The following PFKL variants were observed in gnomAD, a reference collection of about 807,000 sequenced individuals.
PFKL encodes the protein phosphofructokinase, liver type.
In PFKL, 74 loss-of-function variants were observed where a neutral mutation model predicts 92.1. The ratio of observed to expected loss-of-function variants is 0.80; its 90% CI spans 0.67 to 0.97. PFKL has a LOEUF of 0.97. PFKL is among the 50% of genes least tolerant of loss of function. The pLI is 0.00. For missense variants in PFKL, 1,028 were observed against 1,116.6 expected (o/e 0.92, Z 1.13); for synonymous variants, 494 against 456.4 (o/e 1.08, Z -1.05).
Position 44,318,543 on chromosome 21 carries a change from C to A in PFKL, c.1010C>A (p.Thr337Asn). 4 of 1,578,346 alleles carry A rather than the reference C, an allele frequency of 2.5e-6. No homozygotes were observed. Among genetic ancestry groups the A allele is most frequent in the Middle Eastern group, 1.7e-4 (1 of 5,838 alleles). ...ATPDTPACVV[T>N]LSGNQSVRLP... ...CCTGACACGCCGGCCTGCGTGGTCA[C>A]CCTCTCGGGGAACCAGTCAGTGCGG... The change falls in exon 10 of 22, where the codon ACC (threonine) becomes AAC (asparagine). Residue 337 changes from threonine to asparagine, a missense_variant. Transcript: ENST00000349048.
At chr21:44,304,242 C>T (rs758617634) in intron 1 of PFKL, 2 of 1,289,128 alleles carry the variant, frequency 1.6e-6, no homozygotes, top group South Asian at 1.2e-5. Context: ...CCCTTGCTGA[C>T]CCCTGATCCT....
chr21:44,312,583 A>T (rs2250238), intron 4 of PFKL, among the ~76,000 whole-genome samples: 78,180 of 152,084 alleles, frequency 0.51, 20,768 homozygotes, highest in Non-Finnish European at 0.59. Flanking sequence ...CTTCTCTGTG[A>T]TTGATCCGAG....
chr21:44,310,188 T>C (rs960832302), intron 2 of PFKL, among the ~76,000 whole-genome samples: 1 of 152,202 alleles, frequency 6.6e-6, no homozygotes. Context: ...CAGTCATGAG[T>C]GTCCCTCCCC....
At chr21:44,322,104 G>A in intron 13 of PFKL, 29 bp from the exon 14 acceptor site, 1 of 1,592,362 alleles carries the variant, frequency 6.3e-7, no homozygotes, top group Non-Finnish European at 8.6e-7. Flanking sequence ...GCTCAGGCTG[G>A]CCCCTGAAGC....
At chr21:44,303,441 A>AAAAAGACTTGATCG (rs1568939624) in intron 1 of PFKL, among the ~76,000 whole-genome samples, 21 of 97,082 alleles carry the variant, frequency 2.2e-4, no homozygotes, top group Admixed American at 5.6e-4. Context: ...ACCAAAAAAA[A>AAAAAGACTTGATCG]AAAAAAAAAA....
At chr21:44,303,441 A>AAAAAAAAACCTTGATCG (rs1555874961) in intron 1 of PFKL, among the ~76,000 whole-genome samples, 1 of 97,096 alleles carries the variant, frequency 1.0e-5, no homozygotes, top group Non-Finnish European at 1.9e-5. Flanking sequence ...ACCAAAAAAA[A>AAAAAAAAACCTTGATCG]AAAAAAAAAA....
chr21:44,323,035 G>A lies in PFKL; in HGVS notation c.1483G>A (p.Val495Ile), dbSNP rs2047399295. The A allele has an allele frequency of 6.2e-7, 1 of 1,613,052 alleles. No individual in the cohort carries two copies. Among genetic ancestry groups the A allele is most frequent in the African/African-American group, 1.3e-5 (1 of 74,930 alleles). ...CTATGGTATTCACGCCCTGCTGGTG[G>A]TCGGTGGGTTTGAGGTGAGAGCTGC... The part of the protein sequence containing the change: ...RIYGIHALLV[V>I]GGFEAYEGVL... Residue 495 changes from valine (V) to isoleucine (I), a missense_variant, in exon 15 of 22, where the codon GTC (valine) becomes ATC (isoleucine). Transcript: ENST00000349048.
intron 5 of PFKL, 90 bp downstream of exon 5, chr21:44,313,233 G>A: frequency 7.1e-7 from 1 of 1,414,594 alleles, no homozygotes; most frequent in Non-Finnish European, 9.8e-7. Flanking sequence ...ATCTGCAAGG[G>A]CAGTGGACTC....
chr21:44,311,361 C>CACAT lies in PFKL; in HGVS notation c.237+281_237+282insTACA, dbSNP rs1568950026. On this transcript the variant is annotated intron_variant, in intron 3 of 21. Transcript: ENST00000349048. ...ACACATACAGACACACAGACGTGCA[C>CACAT]ACAGACACACAGACGCGCACACAGA... 8.3e-3 allele frequency among the ~76,000 whole-genome samples: 1,239 copies of CACAT among 149,248 alleles called. 19 individuals carry two copies. Among genetic ancestry groups the CACAT allele is most frequent in the African/African-American group, 0.03 (1,171 of 38,860 alleles).
At chr21:44,319,064 G>A (rs1252743473) in intron 10 of PFKL, among the ~76,000 whole-genome samples, 1 of 152,160 alleles carries the variant, frequency 6.6e-6, no homozygotes, top group South Asian at 2.1e-4. Flanking sequence ...GCCCTGGCTC[G>A]GTGGGTTTGG....
At chr21:44,303,149 G>A (rs768267821) in intron 1 of PFKL, among the ~76,000 whole-genome samples, 4 of 151,982 alleles carry the variant, frequency 2.6e-5, no homozygotes, top group Non-Finnish European at 5.9e-5. Flanking sequence ...CAGGAGAATC[G>A]CTTGAACCAG....
At chr21:44,324,006 G>A (rs556573933) in intron 16 of PFKL, 88 bp downstream of exon 16, 7 of 1,495,788 alleles carry the variant, frequency 4.7e-6, no homozygotes, top group African/African-American at 1.4e-5. Context: ...GGGATAGTGT[G>A]TGGTGAGCAC....
chr21:44,313,155 T>G lies in PFKL; in HGVS notation c.593+12T>G. The G allele has an allele frequency of 6.2e-7, 1 of 1,611,710 alleles. No individual in the cohort carries two copies. The highest frequency in any genetic ancestry group is 8.5e-7 in the Non-Finnish European group (1 of 1,179,478). Reference sequence around the variant, plus strand: ...ACCACTGCCCAGAGGTGAGTGAGGCTGGCGCCGGCGGCCAGCCCAGGGCCC... The same window carrying G: ...ACCACTGCCCAGAGGTGAGTGAGGCGGGCGCCGGCGGCCAGCCCAGGGCCC... On this transcript the variant is annotated intron_variant, in intron 5 of 21. Coordinates refer to ENST00000349048, the MANE Select transcript of PFKL (RefSeq NM_002626.6).
chr21:44,316,247 C>T lies in PFKL; in HGVS notation c.751C>T (p.Arg251Trp), dbSNP rs774581226. ...CCCTGTCGTGTCTTTGACCCAGACT[C>T]GGAGCCGTGGGTCCCGACTGAACAT... Reference protein sequence around the residue: ...NFMCERLGETRSRGSRLNIII... With the variant: ...NFMCERLGETWSRGSRLNIII... Residue 251 changes from arginine to tryptophan, a missense_variant, in exon 8 of 22, where the codon CGG (arginine) becomes TGG (tryptophan). Physicochemically the swap from Arg to Trp is moderately radical, Grantham distance 101. Transcript: ENST00000349048. 8.1e-6 allele frequency: 13 copies of T among 1,612,756 alleles called. No homozygotes were observed. The highest frequency in any genetic ancestry group is 4.5e-5 in the East Asian group (2 of 44,890).
intron 20 of PFKL, 37 bp from the exon 21 acceptor site, chr21:44,326,122 C>T (rs769475900): frequency 5.0e-6 from 8 of 1,604,582 alleles, no homozygotes; most frequent in Non-Finnish European, 6.8e-6. Flanking sequence ...GGGGCAGGGC[C>T]TCACCATGGA....
Position 44,324,812 on chromosome 21 carries a change from C to T in PFKL, c.1816-44C>T, listed in dbSNP as rs1054519668. 3.1e-6 allele frequency: 5 copies of T among 1,595,440 alleles called. No homozygotes were observed. The South Asian group carries it at 5.6e-5, about 18-fold the overall frequency. ...GGATCGCCGGTCAGCCTGGAATTCC[C>T]TCCCCACAGTCCTCCGGCTCATCCG... On this transcript the variant is annotated intron_variant, in intron 17 of 21. Coordinates refer to ENST00000349048, the MANE Select transcript of PFKL (RefSeq NM_002626.6).
intron 14 of PFKL, among the ~76,000 whole-genome samples, chr21:44,322,577 C>T (rs1305790618): frequency 6.6e-6 from 1 of 152,198 alleles, no homozygotes; most frequent in Non-Finnish European, 1.5e-5. Flanking sequence ...GGGGTGGGCA[C>T]AGTCCCCCTG....
In PFKL at chr21:44,313,672, C is replaced by T. The variant is rs776188564; in HGVS notation, c.628C>T (p.Arg210Trp). The T allele has an allele frequency of 8.7e-6, 14 of 1,611,970 alleles. No homozygotes were observed. The highest frequency in any genetic ancestry group is 4.0e-5 in the African/African-American group (3 of 74,938). The change falls in exon 6 of 22, where the codon CGG becomes TGG. Residue 210 changes from arginine to tryptophan, a missense_variant. Arg to Trp is a moderately radical substitution (Grantham distance 101). Coordinates refer to ENST00000349048, the MANE Select transcript of PFKL (RefSeq NM_002626.6). ...GACCTTCGTGCTGGAAGTGATGGGC[C>T]GGCACTGCGGGTGAGGAGGGGCTTC... is the stretch of plus-strand genomic sequence containing the variant. ...QRTFVLEVMG[R>W]HCGYLALVSA...
In PFKL at chr21:44,324,667, C is replaced by G. The variant is rs751950424; in HGVS notation, c.1815+12C>G. 2 of 1,572,530 alleles carry G rather than the reference C, an allele frequency of 1.3e-6. No homozygotes were observed. The highest frequency in any genetic ancestry group is 1.7e-4 in the Middle Eastern group (1 of 5,862). On this transcript the variant is annotated intron_variant, in intron 17 of 21. Transcript: ENST00000349048. ...TCCACGACTTAAAGGTGAGCCCAGC[C>G]CAGCCCCTGCTGCGGCAGACCTGCC...
Sources: gnomAD v4.1 joint callset for allele counts (sites outside exome capture counted in the v4.1 genomes callset) on GRCh38, gnomAD v4.1.1 for gene constraint, MANE v1.5 for transcripts, NCBI Gene and HGNC (gene_info 2026-07-23, HGNC 2026-07-21) for gene names.